The following AK5 variants were observed in gnomAD, a reference collection of about 807,000 sequenced individuals.
The protein encoded by AK5 is adenylate kinase 5.
In AK5, 27 loss-of-function variants were observed where a neutral mutation model predicts 69.5. That is an observed-to-expected ratio of 0.39 (90% CI 0.29 to 0.54). AK5 has a LOEUF of 0.54. Among genes scored for constraint, AK5 ranks in the 20% least tolerant of loss-of-function variants. The pLI, the probability that AK5 is intolerant of heterozygous loss-of-function variation, is 0.71. For missense variants in AK5, 531 were observed against 700.4 expected (o/e 0.76, Z 2.73); for synonymous variants, 260 against 244.4 (o/e 1.06, Z -0.60).
Position 77,412,984 on chromosome 1 carries a change from G to A in AK5, c.982+1913G>A, listed in dbSNP as rs561463803. Among the ~76,000 whole-genome samples, 14 of 151,246 alleles carry A rather than the reference G, an allele frequency of 9.3e-5. No individual in the cohort carries two copies. In the South Asian group the frequency reaches 2.7e-3, roughly 30 times the overall value. ...ATCCCTGGCCTCTCCTGTCTGTCAT[G>A]AATGTCCTGCTGCCATGGAGATCTT... On this transcript the variant is annotated intron_variant, in intron 7 of 13. Coordinates refer to ENST00000354567, the MANE Select transcript of AK5 (RefSeq NM_174858.3).
intron 8 of AK5, among the ~76,000 whole-genome samples, chr1:77,475,398 A>T (rs1416981317): frequency 4.4e-4 from 18 of 41,138 alleles, no homozygotes; most frequent in African/African-American, 1.5e-3. Context: ...GTATATATAT[A>T]ATATATATGT....
At chr1:77,488,899 C>T in intron 10 of AK5, among the ~76,000 whole-genome samples, 1 of 18,524 alleles carries the variant, frequency 5.4e-5, no homozygotes, top group African/African-American at 8.5e-5. Context: ...TCAATCCAAT[C>T]AAGTCCACTC....
chr1:77,481,849 C>A (rs1263304535), intron 8 of AK5, among the ~76,000 whole-genome samples: 2 of 152,182 alleles, frequency 1.3e-5, no homozygotes, highest in Non-Finnish European at 2.9e-5. Flanking sequence ...ACTCACTGTG[C>A]CACTTTTTCC....
Position 77,466,203 on chromosome 1 carries a change from G to A in AK5, c.1060-17114G>A, listed in dbSNP as rs992115169. Among the ~76,000 whole-genome samples the A allele has an allele frequency of 2.0e-4, 30 of 151,998 alleles. 1 individual carries two copies. The highest frequency in any genetic ancestry group is 6.6e-5 in the Admixed American group (1 of 15,250). On this transcript the variant is annotated intron_variant, in intron 8 of 13. Coordinates refer to ENST00000354567, the MANE Select transcript of AK5 (RefSeq NM_174858.3). ...TTCCTGCAGCCCTTTGCATCCGCTGGTGCTCTTCCTGGGACATGTTTGTCA... is the reference window on the plus strand; with the variant it reads ...TTCCTGCAGCCCTTTGCATCCGCTGATGCTCTTCCTGGGACATGTTTGTCA...
At chr1:77,330,591 G>A (rs555762520) in intron 5 of AK5, among the ~76,000 whole-genome samples, 1 of 152,260 alleles carries the variant, frequency 6.6e-6, no homozygotes, top group Admixed American at 6.5e-5. Context: ...TCTCTCTTCT[G>A]TTCCAGTGTT....
At chr1:77,538,595 A>T (rs1156692197) in intron 13 of AK5, among the ~76,000 whole-genome samples, 1 of 146,956 alleles carries the variant, frequency 6.8e-6, no homozygotes, top group Non-Finnish European at 1.5e-5. Flanking sequence ...GGTTGCAGTG[A>T]GCTGAAATCA....
rs1336546190 is a variant in AK5, at chr1:77,438,308, AAAAAAAAAAAAAAAAAC to A, written c.1059+20596_1059+20612del. On this transcript the variant is annotated intron_variant, in intron 8 of 13. Coordinates refer to ENST00000354567, the MANE Select transcript of AK5 (RefSeq NM_174858.3). ...TATATTTGGTACAAAAAAAAAAAAAAAAAAAAAAAAAAAAAACAAGCTTGGGGAGTTCAAATAACGCC... is the reference window on the plus strand; with the variant it reads ...TATATTTGGTACAAAAAAAAAAAAAAAAGCTTGGGGAGTTCAAATAACGCC... 2.1e-5 allele frequency among the ~76,000 whole-genome samples: 3 copies of A among 144,878 alleles called. 1 individual carries two copies. Among genetic ancestry groups the A allele is most frequent in the African/African-American group, 7.6e-5 (3 of 39,526 alleles).
At chr1:77,537,291 C>T (rs1287159893) in intron 13 of AK5, among the ~76,000 whole-genome samples, 2 of 151,896 alleles carry the variant, frequency 1.3e-5, no homozygotes, top group Non-Finnish European at 2.9e-5. Context: ...AGTAACTCCA[C>T]GAGGCTGTGA....
chr1:77,358,018 T>TGA lies in AK5; in HGVS notation c.891+17471_891+17472dup, dbSNP rs1553138076. On this transcript the variant is annotated intron_variant, in intron 6 of 13. Coordinates refer to ENST00000354567, the MANE Select transcript of AK5 (RefSeq NM_174858.3). ...GTGTGTGTGTGTGTGTGTGTGTGTG[T>TGA]GAGAGAGAGAGAGAGAGAGAGACAG... Among the ~76,000 whole-genome samples the TGA allele has an allele frequency of 7.2e-4, 92 of 128,260 alleles. 1 individual carries two copies. The highest frequency in any genetic ancestry group is 2.3e-3 in the African/African-American group (83 of 36,318). The allele number at this position is 128,260 out of a possible 152,430, so 84.1% of individuals were successfully genotyped here.
chr1:77,470,505 AAAT>A (rs753706279), intron 8 of AK5, among the ~76,000 whole-genome samples: 20 of 152,270 alleles, frequency 1.3e-4, no homozygotes, highest in Non-Finnish European at 2.4e-4. Flanking sequence ...ACCCTGACTC[AAAT>A]AATAATAATA....
intron 8 of AK5, among the ~76,000 whole-genome samples, chr1:77,472,034 A>C (rs1654539144): frequency 6.6e-6 from 1 of 152,236 alleles, no homozygotes; most frequent in South Asian, 2.1e-4. Flanking sequence ...GCCAAAAATG[A>C]AATTGTATAT....
At chr1:77,403,888 A>G (rs183664932) in intron 6 of AK5, among the ~76,000 whole-genome samples, 37 of 152,320 alleles carry the variant, frequency 2.4e-4, no homozygotes, top group Admixed American at 8.5e-4. Flanking sequence ...TACCTTAGGC[A>G]GTATGGCCAT....
intron 10 of AK5, among the ~76,000 whole-genome samples, chr1:77,507,323 C>T (rs1217789678): frequency 6.6e-6 from 1 of 152,018 alleles, no homozygotes; most frequent in Non-Finnish European, 1.5e-5. Context: ...TTAATGGTAC[C>T]AGGACACAGT....
At chr1:77,363,557 C>T (rs980389874) in intron 6 of AK5, among the ~76,000 whole-genome samples, 1 of 152,198 alleles carries the variant, frequency 6.6e-6, no homozygotes, top group African/African-American at 2.4e-5. Flanking sequence ...TCCCATGTCC[C>T]AGGAGGCCTT....
chr1:77,398,517 A>G (rs949722231), intron 6 of AK5, among the ~76,000 whole-genome samples: 5 of 147,290 alleles, frequency 3.4e-5, no homozygotes, highest in Non-Finnish European at 7.6e-5. Context: ...TGCTGGGAGG[A>G]GAGAAGAGAA....
At chr1:77,558,543 T>C in intron 13 of AK5, 59 bp from the exon 14 acceptor site, 1 of 1,130,974 alleles carries the variant, frequency 8.8e-7, no homozygotes, top group African/African-American at 1.5e-5. Flanking sequence ...GTTCTTTCAT[T>C]ATTAAACATG....
At chr1:77,523,283 C>T (rs940840403) in intron 12 of AK5, among the ~76,000 whole-genome samples, 6 of 152,124 alleles carry the variant, frequency 3.9e-5, no homozygotes, top group Admixed American at 6.5e-5. Flanking sequence ...GGCTGTCCCT[C>T]GACTCCAGAG....
At chr1:77,404,910 T>C (rs2100556535) in intron 6 of AK5, among the ~76,000 whole-genome samples, 1 of 152,356 alleles carries the variant, frequency 6.6e-6, no homozygotes, top group South Asian at 2.1e-4. Context: ...TCCTCTTGAA[T>C]TGGACAATCA....
chr1:77,284,447 A>G (rs1011932887), intron 1 of AK5, among the ~76,000 whole-genome samples: 3 of 152,228 alleles, frequency 2.0e-5, no homozygotes, highest in Non-Finnish European at 2.9e-5. Context: ...GTATTGACGT[A>G]TTGTCAGACA....
Sources: gnomAD v4.1 joint callset for allele counts (sites outside exome capture counted in the v4.1 genomes callset) on GRCh38, gnomAD v4.1.1 for gene constraint, MANE v1.5 for transcripts, NCBI Gene and HGNC (gene_info 2026-07-23, HGNC 2026-07-21) for gene names.